Variants in GALNTL6 observed in about 807,000 individuals in gnomAD.
GALNTL6 encodes the protein polypeptide N-acetylgalactosaminyltransferase-like 6.
GALNTL6 carries 46 observed loss-of-function variants against 73.7 expected under a neutral mutation model. The observed-to-expected ratio is 0.62, with a 90% confidence interval of 0.49 to 0.80. GALNTL6 has a LOEUF of 0.80. Among genes scored for constraint, GALNTL6 ranks in the 30% least tolerant of loss-of-function variants. The pLI is 0.00. For missense variants in GALNTL6, 604 were observed against 755.0 expected, an observed-to-expected ratio of 0.80 and a Z score of 2.34; for synonymous variants, 259 against 263.7, an observed-to-expected ratio of 0.98 and a Z score of 0.17.
intron 8 of GALNTL6, among the ~76,000 whole-genome samples, chr4:172,925,964 G>C (rs150514485): frequency 9.2e-5 from 14 of 152,324 alleles, no homozygotes; most frequent in African/African-American, 2.9e-4. Flanking sequence ...GTGTTTATTA[G>C]GTTGTTTTGC....
intron 2 of GALNTL6, among the ~76,000 whole-genome samples, chr4:172,127,013 GCTTA>G (rs1733315376): frequency 4.6e-5 from 7 of 152,178 alleles, no homozygotes; most frequent in Non-Finnish European, 7.3e-5. Context: ...TCAAGGACAA[GCTTA>G]CCTGCCCCAG....
chr4:172,311,097 A>G (rs1740342083), intron 3 of GALNTL6, among the ~76,000 whole-genome samples: 1 of 152,160 alleles, frequency 6.6e-6, no homozygotes, highest in South Asian at 2.1e-4. Flanking sequence ...AAACTGTTAT[A>G]TGTACTTTAA....
At chr4:172,011,208 T>A (rs935608594) in intron 2 of GALNTL6, among the ~76,000 whole-genome samples, 1 of 152,108 alleles carries the variant, frequency 6.6e-6, no homozygotes, top group African/African-American at 2.4e-5. Context: ...AACATTCTGA[T>A]CCAAATTATC....
intron 2 of GALNTL6, among the ~76,000 whole-genome samples, chr4:171,822,798 A>G (rs1560801842): frequency 6.6e-6 from 1 of 152,232 alleles, no homozygotes; most frequent in Non-Finnish European, 1.5e-5. Context: ...AAAAAGGCAT[A>G]TGTACACTTT....
Position 171,940,801 on chromosome 4 carries a change from G to A in GALNTL6, c.138+126083G>A, listed in dbSNP as rs1397493944. ...CCACTGCACTCCAGACTGGACGACA[G>A]AGCAAGATTCCATCTCAGAAAATAA... On this transcript the variant is annotated intron_variant, in intron 2 of 12. Transcript: ENST00000506823. 2.7e-5 allele frequency among the ~76,000 whole-genome samples: 4 copies of A among 148,212 alleles called. No individual in the cohort carries two copies. The East Asian group carries it at 8.0e-4, about 30-fold the overall frequency.
chr4:172,379,259 G>T (rs1330091325), intron 5 of GALNTL6, among the ~76,000 whole-genome samples: 1 of 152,158 alleles, frequency 6.6e-6, no homozygotes, highest in African/African-American at 2.4e-5. Flanking sequence ...GGCCGGGCGC[G>T]GTGGCTCACG....
chr4:172,187,597 A>T (rs1382347724), intron 2 of GALNTL6, among the ~76,000 whole-genome samples: 1 of 152,086 alleles, frequency 6.6e-6, no homozygotes, highest in Non-Finnish European at 1.5e-5. Context: ...TAACCTTTGC[A>T]GTGACAATTT....
chr4:172,527,854 G>A (rs1735015955), intron 5 of GALNTL6, among the ~76,000 whole-genome samples: 1 of 151,994 alleles, frequency 6.6e-6, no homozygotes, highest in South Asian at 2.1e-4. Context: ...CATTATATGT[G>A]TGAACCCATT....
chr4:172,751,097 G>C (rs1308518076), intron 5 of GALNTL6, among the ~76,000 whole-genome samples: 1 of 152,136 alleles, frequency 6.6e-6, no homozygotes, highest in Non-Finnish European at 1.5e-5. Context: ...GGCATATGTG[G>C]TTTGTGGTAC....
intron 7 of GALNTL6, among the ~76,000 whole-genome samples, chr4:172,863,525 G>C (rs987103849): frequency 6.6e-6 from 1 of 152,140 alleles, no homozygotes; most frequent in African/African-American, 2.4e-5. Flanking sequence ...TTTCAGACTT[G>C]CATGGAATCT....
At chr4:172,022,767 A>T (rs1741444726) in intron 2 of GALNTL6, among the ~76,000 whole-genome samples, 1 of 152,020 alleles carries the variant, frequency 6.6e-6, no homozygotes, top group Admixed American at 6.6e-5. Context: ...GTCTAGTCAC[A>T]GGCTGCTAAG....
intron 2 of GALNTL6, among the ~76,000 whole-genome samples, chr4:172,096,627 G>T (rs1439631928): frequency 6.6e-6 from 1 of 150,466 alleles, no homozygotes; most frequent in East Asian, 1.9e-4. Flanking sequence ...TGTTTTGTTT[G>T]ATCCACAAAT....
chr4:172,232,976 G>A (rs1273522244), intron 3 of GALNTL6, among the ~76,000 whole-genome samples: 2 of 152,004 alleles, frequency 1.3e-5, no homozygotes, highest in Non-Finnish European at 2.9e-5. Flanking sequence ...ATCTCTTTAT[G>A]TATGGTTTAA....
chr4:172,397,212 A>C (rs1157699683), intron 5 of GALNTL6, among the ~76,000 whole-genome samples: 1 of 152,234 alleles, frequency 6.6e-6, no homozygotes, highest in Non-Finnish European at 1.5e-5. Context: ...TTCATATTAC[A>C]TATGACTCTA....
At chr4:172,117,675 G>GT (rs1382585849) in intron 2 of GALNTL6, among the ~76,000 whole-genome samples, 7 of 152,106 alleles carry the variant, frequency 4.6e-5, no homozygotes, top group African/African-American at 1.2e-4. Context: ...ACAGGAGGAC[G>GT]TAAAAACAAA....
intron 2 of GALNTL6, among the ~76,000 whole-genome samples, chr4:172,164,724 G>A (rs763384345): frequency 9.2e-5 from 14 of 152,002 alleles, no homozygotes; most frequent in Non-Finnish European, 1.9e-4. Context: ...TGGAGAAATG[G>A]CTAGGAATAT....
chr4:172,263,995 C>T (rs1005990915), intron 3 of GALNTL6, among the ~76,000 whole-genome samples: 2 of 151,434 alleles, frequency 1.3e-5, no homozygotes, highest in Non-Finnish European at 3.0e-5. Flanking sequence ...AGCTTTGTTT[C>T]TATAGAGATC....
chr4:171,992,202 A>G (rs1016483388), intron 2 of GALNTL6, among the ~76,000 whole-genome samples: 2 of 152,008 alleles, frequency 1.3e-5, no homozygotes, highest in African/African-American at 4.8e-5. Flanking sequence ...AAATAATCCT[A>G]AAAGAATTCA....
In GALNTL6 at chr4:172,358,680, T is replaced by C. The variant is rs58735865; in HGVS notation, c.553+9991T>C. ...ACTCAAAGAAAATGCAAAATTTACCTTTTAACCATGAATAATAATAGTCAT... is the reference window on the plus strand; with the variant it reads ...ACTCAAAGAAAATGCAAAATTTACCCTTTAACCATGAATAATAATAGTCAT... On this transcript the variant is annotated intron_variant, in intron 5 of 12. Transcript: ENST00000506823. Among the ~76,000 whole-genome samples the C allele has an allele frequency of 6.2e-3, 940 of 152,214 alleles. 7 individuals carry two copies. The highest frequency in any genetic ancestry group is 0.02 in the African/African-American group (850 of 41,532).
Sources: gnomAD v4.1 joint callset for allele counts (sites outside exome capture counted in the v4.1 genomes callset) on GRCh38, gnomAD v4.1.1 for gene constraint, MANE v1.5 for transcripts, NCBI Gene and HGNC (gene_info 2026-07-23, HGNC 2026-07-21) for gene names.